The following COCH variants were observed in gnomAD, a reference collection of about 807,000 sequenced individuals.
COCH encodes the protein cochlin.
A neutral mutation model predicts 54.8 loss-of-function variants in COCH; 40 were observed. That is an observed-to-expected ratio of 0.73 (90% CI 0.57 to 0.95). COCH has a LOEUF of 0.95. COCH is among the 40% of genes least tolerant of loss of function. The probability of loss-of-function intolerance (pLI) is 0.00; values close to 1 mark genes in which losing one functional copy is unlikely to be tolerated. For synonymous variants in COCH, 256 were observed against 237.9 expected, an observed-to-expected ratio of 1.08 and a Z score of -0.70; for missense variants, 605 against 675.0, an observed-to-expected ratio of 0.90 and a Z score of 1.15.
At chr14:30,884,836 A>G (rs1895726489) in intron 9 of COCH, 180 bp downstream of exon 9, 1 of 1,437,720 alleles carries the variant, frequency 7.0e-7, no homozygotes, top group South Asian at 1.4e-5. Flanking sequence ...GAAGTATACC[A>G]AAGTGTTGAT....
In COCH at chr14:30,877,755, G is replaced by C; in HGVS notation, c.239+27G>C. ...TAAGCCCAAACACACCAGGGTGGGA[G>C]AGAAATGCAGACGTGATTATTTCCT... On this transcript the variant is annotated intron_variant, in intron 4 of 11. Coordinates refer to ENST00000396618, the MANE Select transcript of COCH (RefSeq NM_004086.3). This position sits in a 1 kb window ranked among gnomAD's most constrained non-coding sequence, Gnocchi z 8.6. The C allele has an allele frequency of 6.2e-7, 1 of 1,613,922 alleles. No individual in the cohort carries two copies. Among genetic ancestry groups the C allele is most frequent in the Middle Eastern group, 1.7e-4 (1 of 5,940 alleles).
At chr14:30,895,589 GAACA>G (rs768252735), downstream of COCH, 36 of 1,610,204 alleles carry the variant, frequency 2.2e-5, no homozygotes, top group Non-Finnish European at 3.0e-5. Context: ...GCCTGTAAAA[GAACA>G]AATAAAATTT....
intron 10 of COCH, 36 bp downstream of exon 10, chr14:30,885,656 G>A: frequency 7.5e-6 from 11 of 1,468,160 alleles, no homozygotes; most frequent in Non-Finnish European, 1.1e-5. Flanking sequence ...TTACAGTGAT[G>A]GGTATTCCAT....
At chr14:30,891,888 CAG>C (rs1442879861), downstream of COCH, among the ~76,000 whole-genome samples, 1 of 152,104 alleles carries the variant, frequency 6.6e-6, no homozygotes, top group Non-Finnish European at 1.5e-5. Flanking sequence ...TTACAGGAGA[CAG>C]AGTAAAAAGG....
downstream of COCH, chr14:30,895,357 G>GCA: frequency 6.6e-7 from 1 of 1,526,324 alleles, no homozygotes; most frequent in East Asian, 2.3e-5. Flanking sequence ...TGGCAGTGAT[G>GCA]CAGACCCTCT....
downstream of COCH, among the ~76,000 whole-genome samples, chr14:30,891,359 AG>A (rs1895978407): frequency 6.6e-6 from 1 of 152,120 alleles, no homozygotes; most frequent in African/African-American, 2.4e-5. Context: ...CATCCACCTA[AG>A]CCCCCTGAAA....
intron 3 of COCH, among the ~76,000 whole-genome samples, chr14:30,876,989 G>C (rs1159608484): frequency 1.3e-5 from 2 of 151,508 alleles, no homozygotes; most frequent in African/African-American, 4.9e-5. Context: ...TTTTTTTTTA[G>C]AAGAGATGAG....
chr14:30,895,077 AAAG>A (rs1423777692), downstream of COCH: 2,231 of 183,832 alleles, frequency 0.012, 88 homozygotes, highest in African/African-American at 0.033. Context: ...AAAAAAAAAA[AAAG>A]AAGAAGAAGA....
Position 30,875,231 on chromosome 14 carries a change from G to A in COCH, c.82+128G>A, listed in dbSNP as rs541896502. On this transcript the variant is annotated intron_variant, in intron 3 of 11. Transcript: ENST00000396618. ...CTGAGGAGGAAGGCGCGAAGGTTGA[G>A]CCGCCGCGTGGCGCGCCCGCGTTAA... 38 of 1,319,502 alleles carry A rather than the reference G, an allele frequency of 2.9e-5. No homozygotes were observed. The East Asian group carries it at 9.6e-4, about 33-fold the overall frequency. 81.7% of individuals were successfully genotyped at this position (1,319,502 alleles called of 1,614,324 possible).
intron 8 of COCH, among the ~76,000 whole-genome samples, chr14:30,882,119 G>GTTTTTTTTTTTT (rs1566410309): frequency 1.4e-4 from 12 of 84,870 alleles, no homozygotes; most frequent in Admixed American, 3.3e-4. Context: ...ACTATAAAAT[G>GTTTTTTTTTTTT]GTTTTTTTTT....
downstream of COCH, chr14:30,895,510 T>C (rs946745042): frequency 1.2e-5 from 20 of 1,614,054 alleles, no homozygotes; most frequent in Non-Finnish European, 1.5e-5. Context: ...CCAATTTCTT[T>C]CTGTGAGCTG....
chr14:30,892,867 T>A (rs190353077), downstream of COCH, among the ~76,000 whole-genome samples: 298 of 151,736 alleles, frequency 2.0e-3, 2 homozygotes, highest in African/African-American at 7.1e-3. Context: ...ATGACTAAAA[T>A]TGCCACTTAG....
intron 8 of COCH, among the ~76,000 whole-genome samples, chr14:30,881,918 C>T (rs1335094773): frequency 1.3e-5 from 2 of 151,388 alleles, no homozygotes; most frequent in Non-Finnish European, 2.9e-5. Context: ...GAGCCAAGAT[C>T]GTGCCACTGC....
downstream of COCH, chr14:30,894,874 TAAGTTA>T: frequency 1.2e-6 from 1 of 842,160 alleles, no homozygotes; most frequent in Non-Finnish European, 1.6e-6. Flanking sequence ...TAAAATATTT[TAAGTTA>T]AATTTTCTTT....
At chr14:30,886,719 T>C (rs890263004) in intron 11 of COCH, among the ~76,000 whole-genome samples, 53 of 152,348 alleles carry the variant, frequency 3.5e-4, no homozygotes, top group African/African-American at 1.3e-3. Flanking sequence ...ATTCAGTAAT[T>C]TATCCTAACT....
At chr14:30,878,552 G>A (rs1238792703) in intron 4 of COCH, among the ~76,000 whole-genome samples, 1 of 152,162 alleles carries the variant, frequency 6.6e-6, no homozygotes, top group Non-Finnish European at 1.5e-5. Flanking sequence ...AGCTACTTGG[G>A]AGGCTGAGGC....
chr14:30,875,179 C>G (rs905868525), intron 3 of COCH, 76 bp downstream of exon 3: 6 of 1,532,202 alleles, frequency 3.9e-6, no homozygotes, highest in Non-Finnish European at 5.3e-6. Context: ...GACTCAGATC[C>G]AGCCCCTTGG....
chr14:30,895,548 C>T (rs1896119875), downstream of COCH: 1 of 1,613,778 alleles, frequency 6.2e-7, no homozygotes, highest in African/African-American at 1.3e-5. Context: ...GTCTTGCTGT[C>T]TAAATTCCAT....
In COCH at chr14:30,884,651, A is replaced by C; in HGVS notation, c.728A>C (p.Asn243Thr). ...KEVGFRGGNS[N>T]TGKALKHTAQ... Reference sequence around the variant, plus strand: ...GTAGGTTTCAGAGGGGGTAATTCCAATACAGGTAAGTAGACTTTGATACCT... The same window carrying C: ...GTAGGTTTCAGAGGGGGTAATTCCACTACAGGTAAGTAGACTTTGATACCT... The change falls in exon 9 of 12, where the codon AAT becomes ACT. Residue 243 changes from asparagine to threonine, a missense_variant. By Grantham distance (65) the Asn-to-Thr change is moderately conservative. Transcript: ENST00000396618. The C allele has an allele frequency of 6.2e-7, 1 of 1,603,462 alleles. No individual in the cohort carries two copies. The highest frequency in any genetic ancestry group is 8.5e-7 in the Non-Finnish European group (1 of 1,170,434).
Sources: allele counts gnomAD v4.1 joint callset (sites outside exome capture counted in the v4.1 genomes callset), GRCh38; gene constraint gnomAD v4.1.1; non-coding constraint Gnocchi (gnomAD v3.1); transcripts MANE v1.5; gene names NCBI Gene and HGNC (gene_info 2026-07-23, HGNC 2026-07-21).